Variants in CARMIL3 observed in about 807,000 individuals in gnomAD.
CARMIL3 encodes capping protein, Arp2/3 and myosin-I linker protein 3.
Under a neutral mutation model 180.8 loss-of-function variants are expected in CARMIL3, and 88 were observed. That is an observed-to-expected ratio of 0.49 (90% CI 0.41 to 0.58). The LOEUF (loss-of-function observed/expected upper bound fraction) is 0.58, where lower values mean the gene tolerates loss of function less well. Ranked by LOEUF, CARMIL3 falls within the 20% of genes least tolerant of loss-of-function variation. The pLI is 0.00. For missense variants in CARMIL3, 1,548 were observed against 1,787.0 expected (o/e 0.87, Z 2.41); for synonymous variants, 696 against 714.5 (o/e 0.97, Z 0.41).
chr14:24,065,628 G>A lies in CARMIL3; in HGVS notation c.3403G>A (p.Glu1135Lys). ...GPSFRRKMGT[E>K]GSEPGEGGPA... is the part of the protein sequence containing the mutation. ...ATAAGAGACCTTGTTCTAGGGCACT[G>A]AGGGGTCAGAGCCAGGGGAGGGGGG... Residue 1135 changes from glutamate to lysine, a missense_variant, in exon 34 of 40, where the codon GAG (glutamate) becomes AAG (lysine). Coordinates refer to ENST00000342740, the MANE Select transcript of CARMIL3 (RefSeq NM_138360.4). 2 of 1,611,418 alleles carry A rather than the reference G, an allele frequency of 1.2e-6. No homozygotes were observed. The highest frequency in any genetic ancestry group is 1.3e-5 in the African/African-American group (1 of 74,854).
chr14:24,068,284 T>C (rs1463115612), intron 36 of CARMIL3, among the ~76,000 whole-genome samples: 1 of 150,246 alleles, frequency 6.7e-6, no homozygotes, highest in Non-Finnish European at 1.5e-5. Flanking sequence ...GTAGTCCCAG[T>C]TGTTCGGGAG....
At chr14:24,055,181 GGAAGGGGCTAA>G (rs2035659609) in intron 7 of CARMIL3, 45 bp downstream of exon 7, 1 of 1,613,960 alleles carries the variant, frequency 6.2e-7, no homozygotes, top group African/African-American at 1.3e-5. Context: ...GGACCTGGAG[GGAAGGGGCTAA>G]GAAGGAAGTG....
Position 24,065,137 on chromosome 14 carries a change from C to T in CARMIL3, c.3260C>T (p.Pro1087Leu), listed in dbSNP as rs566318043. The T allele has an allele frequency of 4.0e-5, 58 of 1,450,074 alleles. No individual in the cohort carries two copies. Among genetic ancestry groups the T allele is most frequent in the Middle Eastern group, 5.1e-4 (2 of 3,930 alleles). The allele number at this position is 1,450,074 out of a possible 1,614,324, so 89.8% of individuals were successfully genotyped here. Residue 1087 changes from proline to leucine, a missense_variant, in exon 33 of 40, where the codon CCG becomes CTG. By Grantham distance (98) the Pro-to-Leu change is moderately conservative (BLOSUM62 -3). Around this residue, in one of 4 missense-constraint regions of CARMIL3, gnomAD observed 668 missense variants for 687.8 expected, o/e 0.97. Transcript: ENST00000342740. ...CTCCCTCCACCCCCACCCCCTCCCC[C>T]GACTCAGGAGAGCCCCCCTAGCCCA... ...LLLPPPPPPPPTQESPPSPDP... is the reference protein window; with the variant it reads ...LLLPPPPPPPLTQESPPSPDP...
rs1242698008 is a variant in CARMIL3 at position 24,066,387 on chromosome 14, T to C, written c.3526-11T>C. 1 of 1,613,838 alleles carries C rather than the reference T, an allele frequency of 6.2e-7. No individual in the cohort carries two copies. The highest frequency in any genetic ancestry group is 1.1e-5 in the South Asian group (1 of 91,034). Reference sequence around the variant, plus strand: ...GAGACTTTCTTACAACCTGACCCACTGTTCTTTCAGGGCCCAGGCCCAGAC... The same window carrying C: ...GAGACTTTCTTACAACCTGACCCACCGTTCTTTCAGGGCCCAGGCCCAGAC... On this transcript the variant is annotated splice_polypyrimidine_tract_variant and intron_variant, in intron 34 of 39. Transcript: ENST00000342740.
Position 24,069,509 on chromosome 14 carries a change from G to A in CARMIL3, c.*105G>A. The stretch of plus-strand genomic sequence containing the variant: ...GCCCCCTGCCAGCCCCTGTCCTACA[G>A]GGGCAAGACGGCAGGACCAGGCATG... On this transcript the variant is annotated 3_prime_UTR_variant, in exon 40 of 40. Transcript: ENST00000342740. 6.8e-7 allele frequency: 1 copy of A among 1,468,164 alleles called. No homozygotes were observed. The allele number at this position is 1,468,164 out of a possible 1,614,324, so 90.9% of individuals were successfully genotyped here.
At chr14:24,056,006 G>C (rs1566538819) in intron 10 of CARMIL3, among the ~76,000 whole-genome samples, 1 of 152,188 alleles carries the variant, frequency 6.6e-6, no homozygotes, top group South Asian at 2.1e-4. Flanking sequence ...CCTTTCCCCA[G>C]GATGTTCCAT....
chr14:24,062,354 C>T (rs1168227679), intron 27 of CARMIL3, 126 bp from the exon 28 acceptor site: 19 of 855,856 alleles, frequency 2.2e-5, no homozygotes, highest in African/African-American at 1.7e-4. Flanking sequence ...CAGCCACATG[C>T]GCTCCATGGG....
At chr14:24,053,909 C>A in intron 2 of CARMIL3, 106 bp downstream of exon 2, 2 of 1,192,840 alleles carry the variant, frequency 1.7e-6, no homozygotes, top group Non-Finnish European at 1.2e-6. Flanking sequence ...TGGGTGGACA[C>A]TGAGGAGACA....
In CARMIL3 at chr14:24,062,826, G is replaced by A. The variant is rs2035745695; in HGVS notation, c.2686G>A (p.Asp896Asn). The A allele has an allele frequency of 1.2e-6, 2 of 1,610,864 alleles. No individual in the cohort carries two copies. The highest frequency in any genetic ancestry group is 1.7e-6 in the Non-Finnish European group (2 of 1,178,658). ...RNHDHEETTD[D>N]ELGTNIDTMA... The stretch of plus-strand genomic sequence containing the variant: ...CCATGACCATGAGGAGACCACAGAT[G>A]ATGAACTTGGGACCAACATTGTGAG... The change falls in exon 29 of 40, where the codon GAT (aspartate) becomes AAT (asparagine). Residue 896 changes from aspartate to asparagine, a missense_variant. This residue lies in a region of CARMIL3 where 668 missense variants were observed against 687.8 expected (regional missense o/e 0.97). Coordinates refer to ENST00000342740, the MANE Select transcript of CARMIL3 (RefSeq NM_138360.4).
At position 24,065,217 on chromosome 14, in the gene CARMIL3, A is replaced by G. The variant is rs1213793719; in HGVS notation, c.3340A>G (p.Ser1114Gly). The G allele has an allele frequency of 2.6e-6, 4 of 1,552,956 alleles. No individual in the cohort carries two copies. The highest frequency in any genetic ancestry group is 2.8e-5 in the African/African-American group (2 of 71,416). ...SSPCWSPEEE[S>G]SLLPGFGGGR... ...TCCCTGCTGGAGCCCAGAGGAGGAG[A>G]GCAGCCTCCTCCCTGGATTTGGTGG... The change falls in exon 33 of 40, where the codon AGC (serine) becomes GGC (glycine). Residue 1114 changes from serine to glycine, a missense_variant. Physicochemically the swap from Ser to Gly is moderately conservative, Grantham distance 56. Coordinates refer to ENST00000342740, the MANE Select transcript of CARMIL3 (RefSeq NM_138360.4).
At chr14:24,055,178 G>C in intron 7 of CARMIL3, 42 bp downstream of exon 7, 1 of 1,614,006 alleles carries the variant, frequency 6.2e-7, no homozygotes, top group Non-Finnish European at 8.5e-7. Flanking sequence ...GTGGGACCTG[G>C]AGGGAAGGGG....
In CARMIL3 at chr14:24,068,851, T is replaced by A; in HGVS notation, c.3867T>A (p.Pro1289=). 6.2e-7 allele frequency: 1 copy of A among 1,613,378 alleles called. No individual in the cohort carries two copies. Among genetic ancestry groups the A allele is most frequent in the East Asian group, 2.2e-5 (1 of 44,866 alleles). ...TGGCTGTGCCCAGGGGCCGCCAGCC[T>A]CCCCAGGAGCCAGGGGTCAGGGAGG... ...KPVAVPRGRQ[P]PQEPGVREEA... Residue 1289 remains proline, a synonymous_variant, in exon 38 of 40, where the codon CCT becomes CCA. Transcript: ENST00000342740.
At position 24,058,775 on chromosome 14, in the gene CARMIL3, C is replaced by T; in HGVS notation, c.1474+14C>T. On this transcript the variant is annotated intron_variant, in intron 18 of 39. Transcript: ENST00000342740. This position sits in a 1 kb window ranked among gnomAD's most constrained non-coding sequence, Gnocchi z 6.4. ...TGTCAGACAATGGTGAGTAGTGGTT[C>T]CTCCCTTCCCTGGGGCCAGGGGAGA... The T allele has an allele frequency of 1.2e-6, 2 of 1,613,896 alleles. No homozygotes were observed. Among genetic ancestry groups the T allele is most frequent in the Admixed American group, 3.3e-5 (2 of 60,014 alleles).
At chr14:24,055,872 T>A (rs45455891) in intron 10 of CARMIL3, 83 bp downstream of exon 10, 72,855 of 1,238,624 alleles carry the variant, frequency 0.059, 2,443 homozygotes, top group Non-Finnish European at 0.065. Context: ...GATGCAGGCC[T>A]CTGGACTATC....
intron 11 of CARMIL3, 21 bp downstream of exon 11, chr14:24,056,414 C>T (rs774334074): frequency 8.7e-5 from 140 of 1,605,746 alleles, no homozygotes; most frequent in Non-Finnish European, 1.1e-4. Context: ...GCCCTGAATC[C>T]TGTCCCCATC....
Position 24,065,203 on chromosome 14 carries a change from GC to G in CARMIL3, c.3329del (p.Pro1110GlnfsTer118). On this transcript the variant is annotated frameshift_variant, in exon 33 of 40. Coordinates refer to ENST00000342740, the MANE Select transcript of CARMIL3 (RefSeq NM_138360.4). LOFTEE classifies it high-confidence loss of function. ...GGCAATAACTCCTCTCCCTGCTGGA[GC>G]CCAGAGGAGGAGAGCAGCCTCCTCC... Reference protein sequence around the residue: ...SLGNNSSPCWSPEEESSLLPG... With the variant: ...SLGNNSSPCWXPEEESSLLPG... 6.4e-7 allele frequency: 1 copy of G among 1,555,188 alleles called. No homozygotes were observed.
In CARMIL3 at chr14:24,065,341, C is replaced by A. The variant is rs2035776047; in HGVS notation, c.3396+68C>A. ...CCACACTTAACCCAGTCTCCTACCC[C>A]ACCCCAAGCTTAATGGGAGAATGCT... On this transcript the variant is annotated intron_variant, in intron 33 of 39. Transcript: ENST00000342740. The A allele has an allele frequency of 8.1e-6, 11 of 1,363,436 alleles. No homozygotes were observed. The South Asian group carries it at 1.5e-4, about 19-fold the overall frequency. The allele number at this position is 1,363,436 out of a possible 1,614,324, so 84.5% of individuals were successfully genotyped here.
chr14:24,065,777 G>A (rs1472984115), intron 34 of CARMIL3, 27 bp downstream of exon 34: 2 of 1,612,438 alleles, frequency 1.2e-6, no homozygotes, highest in Middle Eastern at 1.7e-4. Flanking sequence ...ACAACAAACT[G>A]TGGGTCCTGA....
In CARMIL3 at chr14:24,058,244, C is replaced by A; in HGVS notation, c.1392+20C>A. The A allele has an allele frequency of 6.2e-7, 1 of 1,608,910 alleles. No homozygotes were observed. The highest frequency in any genetic ancestry group is 8.5e-7 in the Non-Finnish European group (1 of 1,177,728). The stretch of plus-strand genomic sequence containing the variant: ...TGCGAGGTGAGCCCTCAGTCCCCAA[C>A]CCCTCTGCCCGCCTCCGATCCATGT... On this transcript the variant is annotated intron_variant, in intron 17 of 39. Transcript: ENST00000342740. The surrounding 1 kb of genome is among the most constrained non-coding windows in gnomAD (Gnocchi z 6.4).
Sources: gnomAD v4.1 joint callset for allele counts (sites outside exome capture counted in the v4.1 genomes callset) on GRCh38, gnomAD v4.1.1 for gene constraint, gnomAD v4.1.1 regional missense constraint, Gnocchi (gnomAD v3.1) non-coding constraint, MANE v1.5 for transcripts, NCBI Gene and HGNC (gene_info 2026-07-23, HGNC 2026-07-21) for gene names.